The following CDC25C variants were observed in gnomAD, a reference collection of about 807,000 sequenced individuals.
CDC25C encodes cell division cycle 25C.
A neutral mutation model predicts 52.5 loss-of-function variants in CDC25C; 48 were observed. That is an observed-to-expected ratio of 0.91 (90% CI 0.72 to 1.16). The LOEUF is 1.16. CDC25C is among the 50% of genes most tolerant of loss of function. The pLI is 0.00. For synonymous variants in CDC25C, 187 were observed against 206.5 expected, an observed-to-expected ratio of 0.91 and a Z score of 0.81; for missense variants, 510 against 566.1, an observed-to-expected ratio of 0.90 and a Z score of 1.01.
chr5:138,290,107 G>GA (rs1164017722), intron 9 of CDC25C, among the ~76,000 whole-genome samples: 5 of 151,870 alleles, frequency 3.3e-5, no homozygotes, highest in African/African-American at 9.7e-5. Context: ...TTATTAATAT[G>GA]AAAAAAGATG....
At chr5:138,313,744 C>T (rs973451904) in intron 7 of CDC25C, among the ~76,000 whole-genome samples, 50 of 151,996 alleles carry the variant, frequency 3.3e-4, no homozygotes, top group African/African-American at 1.2e-3. Context: ...ATACAGCTGC[C>T]CCAGAAATGT....
chr5:138,335,819 T>C (rs956320816), upstream of CDC25C, among the ~76,000 whole-genome samples: 4 of 151,662 alleles, frequency 2.6e-5, no homozygotes, highest in African/African-American at 9.7e-5. Context: ...TCAGTTTCTT[T>C]CAATGTTTTG....
chr5:138,301,924 G>A (rs1043720984), intron 7 of CDC25C, among the ~76,000 whole-genome samples: 7 of 151,770 alleles, frequency 4.6e-5, no homozygotes, highest in Non-Finnish European at 8.8e-5. Flanking sequence ...AGCTGGCCTC[G>A]AGCTCCTGAC....
chr5:138,319,424 T>C (rs1240162403), intron 6 of CDC25C, 50 bp from the exon 7 acceptor site: 2 of 1,414,642 alleles, frequency 1.4e-6, no homozygotes, highest in East Asian at 2.4e-5. Context: ...ATATCAAAGT[T>C]CTAAATGTAA....
At chr5:138,314,767 C>T (rs535779014) in intron 7 of CDC25C, among the ~76,000 whole-genome samples, 2 of 150,360 alleles carry the variant, frequency 1.3e-5, no homozygotes, top group South Asian at 2.1e-4. Flanking sequence ...CGCCACCACA[C>T]CTGGCTAATT....
At chr5:138,319,081 T>G in intron 7 of CDC25C, 138 bp downstream of exon 7, 1 of 677,692 alleles carries the variant, frequency 1.5e-6, no homozygotes, top group Non-Finnish European at 2.5e-6. Context: ...CTGAACATGT[T>G]CTGGCTATGA....
chr5:138,325,786 A>G (rs1251297153), intron 6 of CDC25C, 29 bp downstream of exon 6: 2 of 1,507,722 alleles, frequency 1.3e-6, no homozygotes, highest in South Asian at 2.3e-5. Context: ...AAAACTGCCA[A>G]TATATCTAGG....
intron 10 of CDC25C, among the ~76,000 whole-genome samples, chr5:138,288,579 C>T (rs1756454802): frequency 6.6e-6 from 1 of 152,046 alleles, no homozygotes; most frequent in Non-Finnish European, 1.5e-5. Flanking sequence ...ACCTGTAATC[C>T]CAGCTACTTG....
intron 7 of CDC25C, 93 bp from the exon 8 acceptor site, chr5:138,292,209 G>T: frequency 9.6e-7 from 1 of 1,038,962 alleles, no homozygotes; most frequent in Non-Finnish European, 1.4e-6. Flanking sequence ...TCTTTGAAAT[G>T]CAGGTTTCCA....
At chr5:138,299,492 T>A in intron 7 of CDC25C, among the ~76,000 whole-genome samples, 1 of 60,248 alleles carries the variant, frequency 1.7e-5, no homozygotes, top group African/African-American at 5.4e-5. Flanking sequence ...CAAGACTCCG[T>A]CTCAAAAAAA....
intron 7 of CDC25C, among the ~76,000 whole-genome samples, chr5:138,313,700 A>T (rs1029796849): frequency 6.6e-6 from 1 of 152,118 alleles, no homozygotes; most frequent in African/African-American, 2.4e-5. Flanking sequence ...TCTTCACTTT[A>T]AACTTAGAGT....
At chr5:138,296,169 G>A (rs551099512) in intron 7 of CDC25C, among the ~76,000 whole-genome samples, 31 of 152,028 alleles carry the variant, frequency 2.0e-4, no homozygotes, top group Non-Finnish European at 4.0e-4. Context: ...GTCGGCTTCC[G>A]TTAAGTTAGC....
intron 7 of CDC25C, among the ~76,000 whole-genome samples, chr5:138,294,558 G>T (rs556786656): frequency 1.4e-5 from 2 of 143,546 alleles, no homozygotes; most frequent in Admixed American, 1.4e-4. Flanking sequence ...AGGCTGGAGT[G>T]CAGTGGCGCG....
chr5:138,328,537 C>G lies in CDC25C; in HGVS notation c.290-8G>C, dbSNP rs752427920. On this transcript the variant is annotated splice_polypyrimidine_tract_variant and splice_region_variant and intron_variant, in intron 3 of 13. Transcript: ENST00000323760. ...CTGAAGAATCCAGGTGACCTGCAAT[C>G]AAATATAAAGAATCAGTAAAAGGAG... The G allele has an allele frequency of 5.6e-6, 9 of 1,611,492 alleles. No individual in the cohort carries two copies. The highest frequency in any genetic ancestry group is 4.2e-6 in the Non-Finnish European group (5 of 1,177,746).
At position 138,331,801 on chromosome 5, in the gene CDC25C, G is replaced by C. The variant is rs1760412163; in HGVS notation, c.-245C>G. The C allele has an allele frequency of 1.0e-6, 1 of 986,020 alleles. No individual in the cohort carries two copies. Among genetic ancestry groups the C allele is most frequent in the Non-Finnish European group, 1.2e-6 (1 of 830,490 alleles). 61.1% of individuals were successfully genotyped at this position (986,020 alleles called of 1,614,324 possible). On this transcript the variant is annotated 5_prime_UTR_variant, in exon 1 of 14. Coordinates refer to ENST00000323760, the MANE Select transcript of CDC25C (RefSeq NM_001790.5). ...GGCCAAAGTTACGGCCTCTGAGCAA[G>C]AATATCAACAGCCGCAGGCGTTGAC...
chr5:138,306,947 G>A (rs1318281493), intron 7 of CDC25C, among the ~76,000 whole-genome samples: 1 of 151,276 alleles, frequency 6.6e-6, no homozygotes, highest in Non-Finnish European at 1.5e-5. Flanking sequence ...AGGTTCAAGT[G>A]ATTTTCCTTC....
chr5:138,299,868 T>C (rs62380878), intron 7 of CDC25C, among the ~76,000 whole-genome samples: 20,813 of 151,866 alleles, frequency 0.14, 1,705 homozygotes, highest in South Asian at 0.23. Flanking sequence ...GACAAACTTT[T>C]AGCCTGAACA....
chr5:138,308,422 T>C (rs1312484953), intron 7 of CDC25C, among the ~76,000 whole-genome samples: 1 of 152,246 alleles, frequency 6.6e-6, no homozygotes. Context: ...TTCAATTTGC[T>C]AAGTTAATAC....
chr5:138,290,782 T>C, intron 8 of CDC25C, 42 bp from the exon 9 acceptor site: 1 of 1,231,772 alleles, frequency 8.1e-7, no homozygotes, highest in East Asian at 2.3e-5. Context: ...AATCCTCATG[T>C]TAAAGGTTTA....
Sources: gnomAD v4.1 joint callset for allele counts (sites outside exome capture counted in the v4.1 genomes callset) on GRCh38, gnomAD v4.1.1 for gene constraint, MANE v1.5 for transcripts, NCBI Gene and HGNC (gene_info 2026-07-23, HGNC 2026-07-21) for gene names.